HAPLN3: variants seen among roughly 807,000 people sequenced by gnomAD.
HAPLN3 encodes hyaluronan and proteoglycan link protein 3.
A neutral mutation model predicts 28.1 loss-of-function variants in HAPLN3; 28 were observed. The observed-to-expected ratio is 1.00, with a 90% CI of 0.74 to 1.37. The LOEUF is 1.37. HAPLN3 is among the 40% of genes most tolerant of loss of function. HAPLN3 has a pLI of 0.00. For synonymous variants in HAPLN3, 211 were observed against 213.1 expected, an observed-to-expected ratio of 0.99 and a Z score of 0.09; for missense variants, 513 against 504.6, an observed-to-expected ratio of 1.02 and a Z score of -0.16.
rs772237489 is a variant in HAPLN3 at position 88,881,349 on chromosome 15, C to T, written c.493+8G>A. 5 of 1,605,764 alleles carry T rather than the reference C, an allele frequency of 3.1e-6. No individual in the cohort carries two copies. In the South Asian group the frequency reaches 4.5e-5, roughly 14 times the overall value. The stretch of plus-strand genomic sequence containing the variant: ...CCCAGTGTCACCCAGTCCCCGTTAG[C>T]ATCTCACCCCGCAGCTCCAGCTCCA... On this transcript the variant is annotated splice_region_variant and intron_variant, in intron 3 of 4. Coordinates refer to ENST00000359595, the MANE Select transcript of HAPLN3 (RefSeq NM_178232.4). This position sits in a 1 kb window ranked among gnomAD's most constrained non-coding sequence, Gnocchi z 6.0.
Position 88,880,525 on chromosome 15 carries a change from G to T in HAPLN3, c.493+832C>A. On this transcript the variant is annotated intron_variant, in intron 3 of 4. Transcript: ENST00000359595. The surrounding 1 kb of genome is among the most constrained non-coding windows in gnomAD (Gnocchi z 6.0). ...TACCCACATGTCATAGCTGGGACGG[G>T]CTGGGGCTAAAGTCAGGTCACCTTC... 7.8e-7 allele frequency: 1 copy of T among 1,281,420 alleles called. No homozygotes were observed. Among genetic ancestry groups the T allele is most frequent in the Non-Finnish European group, 1.0e-6 (1 of 981,918 alleles). The allele number at this position is 1,281,420 out of a possible 1,614,324, so 79.4% of individuals were successfully genotyped here.
chr15:88,879,622 T>C lies in HAPLN3; in HGVS notation c.494-353A>G. The C allele has an allele frequency of 7.9e-7, 1 of 1,269,058 alleles. No homozygotes were observed. The highest frequency in any genetic ancestry group is 1.0e-6 in the Non-Finnish European group (1 of 986,236). 78.6% of individuals were successfully genotyped at this position (1,269,058 alleles called of 1,614,324 possible). A position where few individuals can be genotyped will look rare whatever the true frequency, so the allele number is the denominator to read the frequency against. ...GGGCTTTGGGCTCTAGGGGCCAGGTTTGACTCCCAGCTCCCCACTCGTTAG... is the reference window on the plus strand; with the variant it reads ...GGGCTTTGGGCTCTAGGGGCCAGGTCTGACTCCCAGCTCCCCACTCGTTAG... On this transcript the variant is annotated intron_variant, in intron 3 of 4. Coordinates refer to ENST00000359595, the MANE Select transcript of HAPLN3 (RefSeq NM_178232.4). The surrounding 1 kb of genome is among the most constrained non-coding windows in gnomAD (Gnocchi z 5.0).
At chr15:88,884,300 C>T (rs1482370234) in intron 2 of HAPLN3, among the ~76,000 whole-genome samples, 1 of 152,144 alleles carries the variant, frequency 6.6e-6, no homozygotes, top group Admixed American at 6.5e-5. Flanking sequence ...CACGGTGGCT[C>T]ACGCCTGTAA....
intron 2 of HAPLN3, among the ~76,000 whole-genome samples, chr15:88,885,411 G>A (rs1244008401): frequency 1.3e-5 from 2 of 151,484 alleles, no homozygotes; most frequent in East Asian, 3.9e-4. Flanking sequence ...GAGTAGCTGG[G>A]ATTACAGGTG....
rs1299972055 is a variant in HAPLN3, at chr15:88,892,410, T to TTGAGC, written c.-48+3048_-48+3049insGCTCA. On this transcript the variant is annotated intron_variant, in intron 1 of 4. Transcript: ENST00000359595. ...AGGCAGAGGTTGCAGTGAGCCGAGA[T>TTGAGC]CACACCTTTGCACTCCAGCCTGGGC... 3.8e-4 allele frequency among the ~76,000 whole-genome samples: 57 copies of TTGAGC among 150,692 alleles called. 4 individuals carry two copies. In the South Asian group the frequency reaches 0.012, roughly 31 times the overall value.
At position 88,895,369 on chromosome 15, in the gene HAPLN3, G is replaced by C. The variant is rs1381559499; in HGVS notation, c.-48+90C>G. ...CCCTTCCCCGGACCCTGCCCGGGAG[G>C]TGTGGGGACCCGCAGGGCACCCAAA... On this transcript the variant is annotated intron_variant, in intron 1 of 4. Coordinates refer to ENST00000359595, the MANE Select transcript of HAPLN3 (RefSeq NM_178232.4). This position sits in a 1 kb window ranked among gnomAD's most constrained non-coding sequence, Gnocchi z 5.5. 1 of 152,568 alleles carries C rather than the reference G, an allele frequency of 6.6e-6. No individual in the cohort carries two copies. The highest frequency in any genetic ancestry group is 1.5e-5 in the Non-Finnish European group (1 of 68,372). 9.5% of individuals were successfully genotyped at this position (152,568 alleles called of 1,614,324 possible).
rs932486561 is a variant in HAPLN3, at chr15:88,888,719, G to A, written c.-47-1374C>T. On this transcript the variant is annotated intron_variant, in intron 1 of 4. Transcript: ENST00000359595. This position sits in a 1 kb window ranked among gnomAD's most constrained non-coding sequence, Gnocchi z 4.1. ...GAGGGGGCAGAGTCGTGGGCAGGCAGTCTTGATTGCTGTGTGTTGAGTACC... is the reference window on the plus strand; with the variant it reads ...GAGGGGGCAGAGTCGTGGGCAGGCAATCTTGATTGCTGTGTGTTGAGTACC... Among the ~76,000 whole-genome samples the A allele has an allele frequency of 1.3e-5, 2 of 152,202 alleles. No homozygotes were observed. The highest frequency in any genetic ancestry group is 2.4e-5 in the African/African-American group (1 of 41,454).
Position 88,878,161 on chromosome 15 carries a change from G to A in HAPLN3, c.892C>T (p.Gln298Ter). 3.1e-6 allele frequency: 5 copies of A among 1,614,168 alleles called. No individual in the cohort carries two copies. Among genetic ancestry groups the A allele is most frequent in the Non-Finnish European group, 4.2e-6 (5 of 1,180,006 alleles). The change falls in exon 5 of 5, where the codon CAG (glutamine) becomes TAG (stop). Residue 298 changes from glutamine to a stop codon, truncating the protein, a stop_gained. Coordinates refer to ENST00000359595, the MANE Select transcript of HAPLN3 (RefSeq NM_178232.4). LOFTEE classifies it low-confidence loss of function (END_TRUNC). ...EDDATIAKVG[Q>*]LFAAWKFHGL... is the part of the protein sequence containing the mutation. ...TGGAACTTCCAGGCGGCAAAGAGCT[G>A]TCCCACCTTGGCGATCGTGGCATCA... is the stretch of plus-strand genomic sequence containing the variant.
At chr15:88,885,109 G>A (rs952802040) in intron 2 of HAPLN3, among the ~76,000 whole-genome samples, 1 of 152,240 alleles carries the variant, frequency 6.6e-6, no homozygotes, top group Non-Finnish European at 1.5e-5. Context: ...GCCTCTGCAG[G>A]CACAATCATC....
At chr15:88,884,753 C>T (rs1218888385) in intron 2 of HAPLN3, among the ~76,000 whole-genome samples, 5 of 151,960 alleles carry the variant, frequency 3.3e-5, no homozygotes, top group Non-Finnish European at 7.4e-5. Context: ...CCCAGGTGGG[C>T]CCTAAATGCA....
intron 1 of HAPLN3, among the ~76,000 whole-genome samples, chr15:88,891,888 G>A (rs1219898719): frequency 2.6e-5 from 4 of 152,148 alleles, no homozygotes; most frequent in Non-Finnish European, 5.9e-5. Flanking sequence ...GGAGGGAAGT[G>A]GGGCCAAGAT....
Position 88,877,994 on chromosome 15 carries a change from A to G in HAPLN3, c.1059T>C (p.Gly353=). 1 of 1,611,710 alleles carries G rather than the reference A, an allele frequency of 6.2e-7. No homozygotes were observed. Among genetic ancestry groups the G allele is most frequent in the Non-Finnish European group, 8.5e-7 (1 of 1,178,860 alleles). The change falls in exon 5 of 5, where the codon GGT becomes GGC. Residue 353 remains glycine, a synonymous_variant. Transcript: ENST00000359595. The surrounding 1 kb of genome is among the most constrained non-coding windows in gnomAD (Gnocchi z 5.1). ...CCTAGTGCTGGCGGTAGCAGTAAACACCGTACAAGCGGCTCTGCGGGTCGG... is the reference window on the plus strand; with the variant it reads ...CCTAGTGCTGGCGGTAGCAGTAAACGCCGTACAAGCGGCTCTGCGGGTCGG... The part of the protein sequence containing the change: ...GFPDPQSRLY[G]VYCYRQH
Position 88,879,766 on chromosome 15 carries a change from G to C in HAPLN3, c.494-497C>G. On this transcript the variant is annotated intron_variant, in intron 3 of 4. Transcript: ENST00000359595. The surrounding 1 kb of genome is among the most constrained non-coding windows in gnomAD (Gnocchi z 5.0). ...GGAGAGGCCCTAGAGGCCGTGGGGA[G>C]AGGGTTGGGGAAGGGCCTTCCATAA... is the stretch of plus-strand genomic sequence containing the variant. The C allele has an allele frequency of 8.8e-7, 1 of 1,142,092 alleles. No homozygotes were observed. The highest frequency in any genetic ancestry group is 1.1e-6 in the Non-Finnish European group (1 of 919,484). 70.7% of individuals were successfully genotyped at this position (1,142,092 alleles called of 1,614,324 possible).
chr15:88,877,957 A>G lies in HAPLN3; in HGVS notation c.*13T>C, dbSNP rs1596161994. ...AGCCAGTGAGGGAATGCGGCAGGGGAGGGCCCCAGGTCCTAGTGCTGGCGG... is the reference window on the plus strand; with the variant it reads ...AGCCAGTGAGGGAATGCGGCAGGGGGGGGCCCCAGGTCCTAGTGCTGGCGG... On this transcript the variant is annotated 3_prime_UTR_variant, in exon 5 of 5. Coordinates refer to ENST00000359595, the MANE Select transcript of HAPLN3 (RefSeq NM_178232.4). This position sits in a 1 kb window ranked among gnomAD's most constrained non-coding sequence, Gnocchi z 5.1. 6.4e-7 allele frequency: 1 copy of G among 1,573,704 alleles called. No individual in the cohort carries two copies. The highest frequency in any genetic ancestry group is 8.6e-7 in the Non-Finnish European group (1 of 1,159,034).
intron 1 of HAPLN3, among the ~76,000 whole-genome samples, chr15:88,894,748 G>A (rs2141680375): frequency 6.6e-6 from 1 of 152,344 alleles, no homozygotes; most frequent in South Asian, 2.1e-4. Flanking sequence ...CAACGAGCTG[G>A]TGGCAGGACT....
chr15:88,881,549 C>A lies in HAPLN3; in HGVS notation c.301G>T (p.Val101Leu). 6.2e-7 allele frequency: 1 copy of A among 1,614,110 alleles called. No individual in the cohort carries two copies. The change falls in exon 3 of 5, where the codon GTG becomes TTG. Residue 101 changes from valine (V) to leucine (L), a missense_variant. Transcript: ENST00000359595. This position sits in a 1 kb window ranked among gnomAD's most constrained non-coding sequence, Gnocchi z 6.0. The part of the protein sequence containing the change: ...LSENGAPEKD[V>L]LVAIGLRHRS... ...TGCCTCAGCCCGATGGCCACCAGCA[C>A]GTCCTTCTCTGGGGCCCCGTTCTCC...
In HAPLN3 at chr15:88,879,334, C is replaced by G; in HGVS notation, c.494-65G>C. 1.3e-6 allele frequency: 2 copies of G among 1,595,790 alleles called. No homozygotes were observed. Among genetic ancestry groups the G allele is most frequent in the African/African-American group, 1.3e-5 (1 of 74,890 alleles). On this transcript the variant is annotated intron_variant, in intron 3 of 4. Transcript: ENST00000359595. This position sits in a 1 kb window ranked among gnomAD's most constrained non-coding sequence, Gnocchi z 5.0. ...GGCCCAGCTGGCTGGACACCCCGCT[C>G]TCCTCCCACCTTCACTGGGACATGT... is the stretch of plus-strand genomic sequence containing the variant.
chr15:88,881,618 G>A lies in HAPLN3; in HGVS notation c.232C>T (p.Leu78=). ...ACACGCACACGCCGCGGGGAGACCA[G>A]GGCCGGCTCGTAGCGGTAGCGGCAG... is the stretch of plus-strand genomic sequence containing the variant. ...LPCRYRYEPA[L]VSPRRVRVKW... Residue 78 remains leucine, a synonymous_variant, in exon 3 of 5, where the codon CTG becomes TTG. Coordinates refer to ENST00000359595, the MANE Select transcript of HAPLN3 (RefSeq NM_178232.4). The surrounding 1 kb of genome is among the most constrained non-coding windows in gnomAD (Gnocchi z 6.0). 2 of 1,614,082 alleles carry A rather than the reference G, an allele frequency of 1.2e-6. No homozygotes were observed. The highest frequency in any genetic ancestry group is 1.7e-6 in the Non-Finnish European group (2 of 1,180,050).
At position 88,887,070 on chromosome 15, in the gene HAPLN3, G is replaced by A. The variant is rs1408196543; in HGVS notation, c.124+105C>T. On this transcript the variant is annotated intron_variant, in intron 2 of 4. Transcript: ENST00000359595. ...CCACTACAAGGGCCCTGCTGGAACA[G>A]GGCTGCTGTCCCTGTCCCAGCCTGG... 3.1e-6 allele frequency: 4 copies of A among 1,276,030 alleles called. No homozygotes were observed. The African/African-American group carries it at 5.9e-5, about 19-fold the overall frequency. 79.0% of individuals were successfully genotyped at this position (1,276,030 alleles called of 1,614,324 possible).
Sources: gnomAD v4.1 joint callset for allele counts (sites outside exome capture counted in the v4.1 genomes callset) on GRCh38, gnomAD v4.1.1 for gene constraint, Gnocchi (gnomAD v3.1) non-coding constraint, MANE v1.5 for transcripts, NCBI Gene and HGNC (gene_info 2026-07-23, HGNC 2026-07-21) for gene names.